Variants in AUTS2 observed in about 807,000 individuals in gnomAD.
AUTS2 encodes the protein autism susceptibility gene 2 protein.
A neutral mutation model predicts 112.4 loss-of-function variants in AUTS2; 17 were observed. That is an observed-to-expected ratio of 0.15 (90% CI 0.10 to 0.23). The LOEUF is 0.23. Ranked by LOEUF, AUTS2 falls within the 10% of genes least tolerant of loss-of-function variation. The pLI is 1.00. For synonymous variants in AUTS2, 751 were observed against 702.7 expected, an observed-to-expected ratio of 1.07 and a Z score of -1.09; for missense variants, 1,510 against 1,701.6, an observed-to-expected ratio of 0.89 and a Z score of 1.98.
chr7:69,692,826 A>C (rs1460285692), intron 1 of AUTS2, among the ~76,000 whole-genome samples: 1 of 152,216 alleles, frequency 6.6e-6, no homozygotes, highest in Non-Finnish European at 1.5e-5. Context: ...CAAGCACATA[A>C]TTTTAGCCTG....
chr7:70,611,660 A>T (rs1171433301), intron 5 of AUTS2, among the ~76,000 whole-genome samples: 1 of 152,240 alleles, frequency 6.6e-6, no homozygotes, highest in Non-Finnish European at 1.5e-5. Flanking sequence ...GCCGCTTCTT[A>T]TAGCAAGTCT....
At chr7:69,701,238 G>A (rs1797790456) in intron 1 of AUTS2, among the ~76,000 whole-genome samples, 1 of 152,166 alleles carries the variant, frequency 6.6e-6, no homozygotes, top group African/African-American at 2.4e-5. Flanking sequence ...ATAAATACTG[G>A]CCGAAAAGTC....
chr7:70,265,481 G>A (rs1787375070), intron 4 of AUTS2, among the ~76,000 whole-genome samples: 2 of 152,210 alleles, frequency 1.3e-5, no homozygotes, highest in African/African-American at 4.8e-5. Context: ...TGGGAGGTGA[G>A]AAAAAAAGTT....
At chr7:70,528,279 T>TA (rs1239526329) in intron 5 of AUTS2, among the ~76,000 whole-genome samples, 2 of 143,394 alleles carry the variant, frequency 1.4e-5, no homozygotes, top group Admixed American at 1.4e-4. Flanking sequence ...GAGAGAGAAA[T>TA]AAAAAAAAAT....
intron 2 of AUTS2, among the ~76,000 whole-genome samples, chr7:69,922,780 G>C (rs1026112753): frequency 6.6e-6 from 1 of 152,124 alleles, no homozygotes; most frequent in African/African-American, 2.4e-5. Context: ...TTAACATAGC[G>C]TGGGAAAGGT....
chr7:70,641,155 C>G (rs985027226), intron 5 of AUTS2, among the ~76,000 whole-genome samples: 1 of 152,216 alleles, frequency 6.6e-6, no homozygotes, highest in African/African-American at 2.4e-5. Flanking sequence ...GTTCCTCTGG[C>G]TCAGAACACT....
At position 69,773,885 on chromosome 7, in the gene AUTS2, C is replaced by T. The variant is rs535800040; in HGVS notation, c.310-125401C>T. ...GTGGCAGTGGGGCTAAGGGGAATCC[C>T]GTCGAACACCCTAACTTGGAGGAAA... On this transcript the variant is annotated intron_variant, in intron 1 of 18. Coordinates refer to ENST00000342771, the MANE Select transcript of AUTS2 (RefSeq NM_015570.4). 1.9e-4 allele frequency among the ~76,000 whole-genome samples: 29 copies of T among 152,310 alleles called. 2 individuals carry two copies. Among genetic ancestry groups the T allele is most frequent in the Admixed American group, 1.6e-3 (25 of 15,302 alleles).
chr7:70,763,672 G>C (rs545782851), intron 7 of AUTS2, among the ~76,000 whole-genome samples: 38 of 152,258 alleles, frequency 2.5e-4, no homozygotes, highest in African/African-American at 8.9e-4. Flanking sequence ...GAAGCCTGGG[G>C]CATATCAGAG....
intron 2 of AUTS2, among the ~76,000 whole-genome samples, chr7:69,987,019 G>T (rs907979536): frequency 2.0e-5 from 3 of 152,280 alleles, no homozygotes; most frequent in South Asian, 4.1e-4. Context: ...TGGACTGTGT[G>T]TCTTGGCCAG....
At chr7:69,992,152 T>C (rs374208711) in intron 2 of AUTS2, among the ~76,000 whole-genome samples, 8 of 152,212 alleles carry the variant, frequency 5.3e-5, no homozygotes, top group South Asian at 2.1e-4. Flanking sequence ...ATTGTGTCCA[T>C]GTGAGACGGA....
At chr7:70,020,513 A>G (rs528481940) in intron 2 of AUTS2, among the ~76,000 whole-genome samples, 1 of 152,180 alleles carries the variant, frequency 6.6e-6, no homozygotes, top group South Asian at 2.1e-4. Flanking sequence ...TGTTTTGAAT[A>G]TATCTTGAGT....
intron 1 of AUTS2, among the ~76,000 whole-genome samples, chr7:69,832,265 T>C (rs1791536290): frequency 6.6e-6 from 1 of 152,202 alleles, no homozygotes; most frequent in African/African-American, 2.4e-5. Context: ...TGGTCATCTA[T>C]TGAGAAGTGT....
chr7:69,749,751 T>C (rs888648776), intron 1 of AUTS2, among the ~76,000 whole-genome samples: 1 of 152,214 alleles, frequency 6.6e-6, no homozygotes, highest in African/African-American at 2.4e-5. Flanking sequence ...TCTGCTGCCA[T>C]GTTGACAAAT....
chr7:69,718,547 A>G (rs561137895), intron 1 of AUTS2, among the ~76,000 whole-genome samples: 2 of 152,232 alleles, frequency 1.3e-5, no homozygotes, highest in South Asian at 4.1e-4. Flanking sequence ...TCTCTTTTCC[A>G]TAGTTACATC....
chr7:70,406,948 A>G (rs1191519879), intron 4 of AUTS2, among the ~76,000 whole-genome samples: 8 of 152,340 alleles, frequency 5.3e-5, no homozygotes, highest in African/African-American at 1.9e-4. Flanking sequence ...CAACCTTCCC[A>G]TAAGTACCCA....
intron 1 of AUTS2, among the ~76,000 whole-genome samples, chr7:69,720,970 A>G (rs1798899807): frequency 6.6e-6 from 1 of 152,208 alleles, no homozygotes; most frequent in Non-Finnish European, 1.5e-5. Flanking sequence ...TTGAGAAGCT[A>G]AGAAAAGACT....
chr7:70,414,261 G>C (rs1794901785), intron 4 of AUTS2, among the ~76,000 whole-genome samples: 1 of 152,130 alleles, frequency 6.6e-6, no homozygotes, highest in Non-Finnish European at 1.5e-5. Flanking sequence ...TAGAGTAATG[G>C]GTCCACAGGC....
Position 69,719,330 on chromosome 7 carries a change from C to T in AUTS2, c.309+119368C>T, listed in dbSNP as rs182453218. Among the ~76,000 whole-genome samples the T allele has an allele frequency of 2.6e-5, 4 of 152,278 alleles. No individual in the cohort carries two copies. The East Asian group carries it at 7.7e-4, about 29-fold the overall frequency. The stretch of plus-strand genomic sequence containing the variant: ...TTCTTCAACTGGGTCTCACATAAAA[C>T]TGTCTTGAGACTTCTCTCCATCCTG... On this transcript the variant is annotated intron_variant, in intron 1 of 18. Transcript: ENST00000342771.
chr7:70,136,071 T>A (rs1304656692), intron 4 of AUTS2, among the ~76,000 whole-genome samples: 2 of 152,168 alleles, frequency 1.3e-5, no homozygotes, highest in South Asian at 4.1e-4. Flanking sequence ...TCTAGAAACA[T>A]TGAGATTTTC....
Sources: gnomAD v4.1 joint callset for allele counts (sites outside exome capture counted in the v4.1 genomes callset) on GRCh38, gnomAD v4.1.1 for gene constraint, MANE v1.5 for transcripts, NCBI Gene and HGNC (gene_info 2026-07-23, HGNC 2026-07-21) for gene names.